The following RNF2 variants were observed in gnomAD, a reference collection of about 807,000 sequenced individuals.
RNF2 encodes ring finger protein 2.
In RNF2, 6 loss-of-function variants were observed where a neutral mutation model predicts 37.2. The observed-to-expected ratio is 0.16, with a 90% CI of 0.09 to 0.32. RNF2 has a LOEUF of 0.32. RNF2 is among the 10% of genes least tolerant of loss of function. RNF2 has a pLI of 1.00. For missense variants in RNF2, 251 were observed against 404.0 expected, an observed-to-expected ratio of 0.62 and a Z score of 3.25; for synonymous variants, 133 against 132.7, an observed-to-expected ratio of 1.00 and a Z score of -0.02.
Position 185,100,638 on chromosome 1 carries a change from G to A in RNF2, c.*337G>A, listed in dbSNP as rs1287701288. 3.5e-5 allele frequency: 6 copies of A among 171,244 alleles called. No individual in the cohort carries two copies. 10.6% of individuals were successfully genotyped at this position (171,244 alleles called of 1,614,324 possible). A position where few individuals can be genotyped will look rare whatever the true frequency, so the allele number is the denominator to read the frequency against. The stretch of plus-strand genomic sequence containing the variant: ...TCTGTATTCTTATAAGATTCAGTTG[G>A]CTGTCCTTTTCCTGCTCCCCTCAAA... On this transcript the variant is annotated 3_prime_UTR_variant, in exon 7 of 7. Coordinates refer to ENST00000367510, the MANE Select transcript of RNF2 (RefSeq NM_007212.4).
intron 1 of RNF2, among the ~76,000 whole-genome samples, chr1:185,063,567 G>C (rs898553411): frequency 6.6e-6 from 1 of 152,154 alleles, no homozygotes; most frequent in Non-Finnish European, 1.5e-5. Flanking sequence ...TTCAACTGGT[G>C]TATAAGTTTC....
At chr1:185,076,030 ATTGAT>A (rs1651140111) in intron 1 of RNF2, among the ~76,000 whole-genome samples, 1 of 151,924 alleles carries the variant, frequency 6.6e-6, no homozygotes, top group Non-Finnish European at 1.5e-5. Flanking sequence ...TGTCTTTTAA[ATTGAT>A]TTGATGTAGT....
At chr1:185,068,319 T>A (rs1650861858) in intron 1 of RNF2, among the ~76,000 whole-genome samples, 1 of 152,172 alleles carries the variant, frequency 6.6e-6, no homozygotes, top group South Asian at 2.1e-4. Flanking sequence ...ATATCTACAT[T>A]CTGGTCTCTG....
intron 1 of RNF2, among the ~76,000 whole-genome samples, chr1:185,059,543 TATTA>T (rs1298714414): frequency 6.6e-5 from 10 of 152,176 alleles, no homozygotes; most frequent in African/African-American, 2.2e-4. Context: ...TTACATATGG[TATTA>T]ATTGTTATAT....
At chr1:185,055,680 C>A (rs1019832530) in intron 1 of RNF2, among the ~76,000 whole-genome samples, 1 of 152,124 alleles carries the variant, frequency 6.6e-6, no homozygotes, top group Non-Finnish European at 1.5e-5. Context: ...CTTGGCCTTC[C>A]GAAGTCTGGG....
intron 1 of RNF2, among the ~76,000 whole-genome samples, chr1:185,061,282 C>G (rs960374783): frequency 5.3e-5 from 8 of 151,890 alleles, no homozygotes; most frequent in African/African-American, 7.3e-5. Context: ...CGCCCGCCAC[C>G]ATGCCCGGCT....
chr1:185,077,625 G>GTTT (rs528747420), intron 1 of RNF2, among the ~76,000 whole-genome samples: 2 of 115,694 alleles, frequency 1.7e-5, no homozygotes, highest in African/African-American at 6.6e-5. Flanking sequence ...AATTAACTTT[G>GTTT]TTTTTTTTTT....
rs1652048107 is a variant in RNF2, at chr1:185,100,526, T to C, written c.*225T>C. 3.0e-6 allele frequency: 1 copy of C among 338,796 alleles called. No individual in the cohort carries two copies. Among genetic ancestry groups the C allele is most frequent in the South Asian group, 1.5e-4 (1 of 6,588 alleles). 21.0% of individuals were successfully genotyped at this position (338,796 alleles called of 1,614,324 possible). ...TTTTTTTCTTTCCTTTAAAAAAATATATCTGAAGTTTCTTGTGTTTTTTTT... is the reference window on the plus strand; with the variant it reads ...TTTTTTTCTTTCCTTTAAAAAAATACATCTGAAGTTTCTTGTGTTTTTTTT... On this transcript the variant is annotated 3_prime_UTR_variant, in exon 7 of 7. Coordinates refer to ENST00000367510, the MANE Select transcript of RNF2 (RefSeq NM_007212.4).
In RNF2 at chr1:185,093,379, G is replaced by A; in HGVS notation, c.464+103G>A. On this transcript the variant is annotated intron_variant, in intron 4 of 6. Transcript: ENST00000367510. ...AGGTAAAATACAGTAACAAATAGTAGTACTGCATGATTACCTTTCGTGCAG... is the reference window on the plus strand; with the variant it reads ...AGGTAAAATACAGTAACAAATAGTAATACTGCATGATTACCTTTCGTGCAG... 4.0e-6 allele frequency: 4 copies of A among 992,130 alleles called. No individual in the cohort carries two copies. The South Asian group carries it at 4.6e-5, about 11-fold the overall frequency. 61.5% of individuals were successfully genotyped at this position (992,130 alleles called of 1,614,324 possible).
chr1:185,061,608 C>T (rs1237530260), intron 1 of RNF2, among the ~76,000 whole-genome samples: 6 of 151,990 alleles, frequency 3.9e-5, no homozygotes, highest in African/African-American at 9.7e-5. Context: ...GGGAAAAAAA[C>T]GGCAGGAATC....
At chr1:185,057,211 T>C (rs1358887801) in intron 1 of RNF2, among the ~76,000 whole-genome samples, 1 of 152,098 alleles carries the variant, frequency 6.6e-6, no homozygotes, top group Non-Finnish European at 1.5e-5. Context: ...CTAGGCAGGC[T>C]GATGTGGGAG....
At chr1:185,069,223 T>C (rs144360570) in intron 1 of RNF2, among the ~76,000 whole-genome samples, 1 of 152,046 alleles carries the variant, frequency 6.6e-6, no homozygotes, top group Non-Finnish European at 1.5e-5. Flanking sequence ...AAGGCCAAGG[T>C]TGGCGGATTG....
At chr1:185,080,232 ACT>A (rs1172066662) in intron 1 of RNF2, among the ~76,000 whole-genome samples, 1 of 152,076 alleles carries the variant, frequency 6.6e-6, no homozygotes, top group East Asian at 1.9e-4. Context: ...TACATAGGTG[ACT>A]CTCAGATATT....
At chr1:185,045,751 G>C (rs1031088114) in intron 1 of RNF2, 102 bp downstream of exon 1, 1 of 149,530 alleles carries the variant, frequency 6.7e-6, no homozygotes, top group African/African-American at 2.5e-5. Context: ...CCCGGAGTGT[G>C]GGGGGGGTGT....
intron 4 of RNF2, among the ~76,000 whole-genome samples, chr1:185,093,844 C>T (rs1291662486): frequency 6.6e-6 from 1 of 152,078 alleles, no homozygotes; most frequent in Admixed American, 6.6e-5. Context: ...TATGGCGTGT[C>T]CCAGAGACCA....
intron 1 of RNF2, among the ~76,000 whole-genome samples, chr1:185,048,797 A>T (rs1017040102): frequency 6.6e-6 from 1 of 152,154 alleles, no homozygotes; most frequent in Non-Finnish European, 1.5e-5. Context: ...AAAATCCCTC[A>T]GGAAGGCAGA....
Position 185,056,624 on chromosome 1 carries a change from G to A in RNF2, c.-3+10975G>A, listed in dbSNP as rs554595954. Among the ~76,000 whole-genome samples, 7 of 152,226 alleles carry A rather than the reference G, an allele frequency of 4.6e-5. No individual in the cohort carries two copies. The South Asian group carries it at 1.5e-3, about 32-fold the overall frequency. On this transcript the variant is annotated intron_variant, in intron 1 of 6. Transcript: ENST00000367510. ...GGCCTCAAGTGATCCTCCCTCCTTG[G>A]CCTCCCAAAGTGCTGGGATTACAGG...
At chr1:185,057,246 G>A (rs1043339635) in intron 1 of RNF2, among the ~76,000 whole-genome samples, 5 of 152,162 alleles carry the variant, frequency 3.3e-5, no homozygotes, top group African/African-American at 1.2e-4. Flanking sequence ...AGGAGTTGGA[G>A]GCTGCAATCA....
chr1:185,062,721 A>G (rs191983767), intron 1 of RNF2, among the ~76,000 whole-genome samples: 4 of 152,236 alleles, frequency 2.6e-5, no homozygotes, highest in African/African-American at 7.2e-5. Context: ...CATGACAGAC[A>G]AAAGGTCAAT....
Sources: allele counts gnomAD v4.1 joint callset (sites outside exome capture counted in the v4.1 genomes callset), GRCh38; gene constraint gnomAD v4.1.1; transcripts MANE v1.5; gene names NCBI Gene and HGNC (gene_info 2026-07-23, HGNC 2026-07-21).